Variants in SDCCAG8 observed in about 807,000 individuals in gnomAD.
SDCCAG8 encodes SHH signaling and ciliogenesis regulator SDCCAG8.
A neutral mutation model predicts 101.8 loss-of-function variants in SDCCAG8; 74 were observed. That is an observed-to-expected ratio of 0.73 (90% CI 0.60 to 0.88). The LOEUF (loss-of-function observed/expected upper bound fraction) is 0.88. SDCCAG8 is among the 40% of genes least tolerant of loss of function. The pLI, the probability that SDCCAG8 is intolerant of heterozygous loss-of-function variation, is 0.00. For synonymous variants in SDCCAG8, 281 were observed against 292.9 expected (o/e 0.96, Z 0.41); for missense variants, 787 against 822.6 (o/e 0.96, Z 0.53).
rs527648296 is a variant in SDCCAG8 at position 243,438,766 on chromosome 1, G to T, written c.1985+12208G>T. 5.0e-4 allele frequency among the ~76,000 whole-genome samples: 76 copies of T among 152,348 alleles called. 1 individual carries two copies. The highest frequency in any genetic ancestry group is 1.8e-3 in the African/African-American group (75 of 41,576). The stretch of plus-strand genomic sequence containing the variant: ...GGCTTTTCTCATACTTGGTGAGCCA[G>T]AGTGGCTCCTGATAACTTTCTGCTG... On this transcript the variant is annotated intron_variant, in intron 16 of 17. Transcript: ENST00000366541.
In SDCCAG8 at chr1:243,419,051, T is replaced by G. The variant is rs762421313; in HGVS notation, c.1853+975T>G. Among the ~76,000 whole-genome samples the G allele has an allele frequency of 3.9e-5, 6 of 152,242 alleles. No homozygotes were observed. The South Asian group carries it at 1.2e-3, about 32-fold the overall frequency. Reference sequence around the variant, plus strand: ...AGTATCAGGGCATATCTGATCACTCTGAGCTCCATCTTGGAATCCTGCATC... The same window carrying G: ...AGTATCAGGGCATATCTGATCACTCGGAGCTCCATCTTGGAATCCTGCATC... On this transcript the variant is annotated intron_variant, in intron 15 of 17. Transcript: ENST00000366541.
intron 16 of SDCCAG8, among the ~76,000 whole-genome samples, chr1:243,452,845 G>A (rs188189826): frequency 2.6e-5 from 4 of 152,284 alleles, no homozygotes; most frequent in Admixed American, 2.0e-4. Flanking sequence ...TTCTGTGAGG[G>A]CTTCTGTTGT....
intron 9 of SDCCAG8, among the ~76,000 whole-genome samples, chr1:243,322,311 T>TA (rs1459717822): frequency 6.6e-6 from 1 of 152,210 alleles, no homozygotes; most frequent in Non-Finnish European, 1.5e-5. Flanking sequence ...CCCCAGGTGA[T>TA]ACCAGTGCAG....
At chr1:243,403,702 G>T (rs556761636) in intron 13 of SDCCAG8, among the ~76,000 whole-genome samples, 72 of 152,264 alleles carry the variant, frequency 4.7e-4, no homozygotes, top group African/African-American at 1.7e-3. Context: ...GATCTAGGTT[G>T]TGCACTCCTT....
At chr1:243,419,671 G>A (rs1280986926) in intron 15 of SDCCAG8, among the ~76,000 whole-genome samples, 2 of 152,256 alleles carry the variant, frequency 1.3e-5, no homozygotes, top group South Asian at 2.1e-4. Context: ...GGAGAGCTAC[G>A]GTTCTAACAT....
chr1:243,278,250 T>C (rs930748920), intron 4 of SDCCAG8, among the ~76,000 whole-genome samples: 1 of 152,222 alleles, frequency 6.6e-6, no homozygotes, highest in Non-Finnish European at 1.5e-5. Flanking sequence ...AGGTGGAGTC[T>C]CGCTCTGTCA....
At chr1:243,437,194 A>G (rs905506944) in intron 16 of SDCCAG8, among the ~76,000 whole-genome samples, 4 of 152,208 alleles carry the variant, frequency 2.6e-5, no homozygotes, top group Non-Finnish European at 4.4e-5. Context: ...AGACTCTACA[A>G]TTTTAAACAT....
At chr1:243,327,357 T>A (rs2074242538) in intron 9 of SDCCAG8, among the ~76,000 whole-genome samples, 1 of 146,248 alleles carries the variant, frequency 6.8e-6, no homozygotes, top group East Asian at 2.0e-4. Flanking sequence ...ATTAAAATTA[T>A]AATTATAATT....
At chr1:243,440,639 G>T (rs2082473114) in intron 16 of SDCCAG8, among the ~76,000 whole-genome samples, 2 of 152,204 alleles carry the variant, frequency 1.3e-5, no homozygotes, top group South Asian at 4.1e-4. Flanking sequence ...TTGCACAAAG[G>T]ATTGAAATCT....
At chr1:243,412,799 A>T (rs1448070207) in intron 13 of SDCCAG8, among the ~76,000 whole-genome samples, 1 of 151,990 alleles carries the variant, frequency 6.6e-6, no homozygotes, top group African/African-American at 2.4e-5. Context: ...GCAACCTATA[A>T]GCAGACTTCA....
intron 16 of SDCCAG8, among the ~76,000 whole-genome samples, chr1:243,454,906 A>G (rs1167286019): frequency 4.6e-5 from 7 of 152,142 alleles, no homozygotes; most frequent in Admixed American, 1.3e-4. Flanking sequence ...CTTCCCAGAT[A>G]CGGTGGGAAT....
intron 13 of SDCCAG8, among the ~76,000 whole-genome samples, chr1:243,387,295 C>G (rs1361722610): frequency 6.6e-6 from 1 of 151,614 alleles, no homozygotes; most frequent in African/African-American, 2.4e-5. Context: ...TTTCTTGTAT[C>G]TGATCTTGAG....
At chr1:243,302,809 G>A (rs1390708005) in intron 6 of SDCCAG8, among the ~76,000 whole-genome samples, 1 of 152,062 alleles carries the variant, frequency 6.6e-6, no homozygotes, top group African/African-American at 2.4e-5. Context: ...TTACATATGG[G>A]TACTCTATGG....
At chr1:243,368,139 CG>C (rs2077088558) in intron 12 of SDCCAG8, among the ~76,000 whole-genome samples, 1 of 151,162 alleles carries the variant, frequency 6.6e-6, no homozygotes, top group Admixed American at 6.6e-5. Flanking sequence ...TCTCTTGAGC[CG>C]GGGAGGTTAA....
chr1:243,290,620 C>T (rs1051965245), intron 5 of SDCCAG8, among the ~76,000 whole-genome samples: 2 of 152,114 alleles, frequency 1.3e-5, no homozygotes, highest in South Asian at 2.1e-4. Flanking sequence ...TATGTTTTGA[C>T]GTCTAGTAAT....
chr1:243,270,315 T>A, intron 2 of SDCCAG8, 58 bp downstream of exon 2: 1 of 1,447,176 alleles, frequency 6.9e-7, no homozygotes, highest in South Asian at 1.2e-5. Flanking sequence ...TTAAACTCCG[T>A]AGAATAATAA....
At chr1:243,371,561 C>T (rs2077290593) in intron 12 of SDCCAG8, among the ~76,000 whole-genome samples, 1 of 152,126 alleles carries the variant, frequency 6.6e-6, no homozygotes, top group East Asian at 1.9e-4. Context: ...ACAGTGAAAG[C>T]ATGAAGTCAG....
At chr1:243,347,224 A>G (rs2075772836) in intron 12 of SDCCAG8, among the ~76,000 whole-genome samples, 1 of 152,080 alleles carries the variant, frequency 6.6e-6, no homozygotes, top group African/African-American at 2.4e-5. Context: ...AGTATTTTAA[A>G]TGGATCTCAG....
chr1:243,379,227 A>G (rs2077788736), intron 13 of SDCCAG8, among the ~76,000 whole-genome samples: 1 of 152,234 alleles, frequency 6.6e-6, no homozygotes, highest in Admixed American at 6.5e-5. Context: ...GGAAAATAAT[A>G]AAATACTGTC....
Sources: allele counts gnomAD v4.1 joint callset (sites outside exome capture counted in the v4.1 genomes callset), GRCh38; gene constraint gnomAD v4.1.1; transcripts MANE v1.5; gene names NCBI Gene and HGNC (gene_info 2026-07-23, HGNC 2026-07-21).